The following TAS2R1 variants were observed in gnomAD, a reference collection of about 807,000 sequenced individuals.
TAS2R1 encodes the protein taste receptor type 2 member 1.
For missense variants in TAS2R1, 370 were observed against 353.4 expected (o/e 1.05, Z -0.38); for synonymous variants, 141 against 134.2 (o/e 1.05, Z -0.35).
At chr5:9,642,281 G>T (rs1487683653) in intron 2 of TAS2R1, among the ~76,000 whole-genome samples, 1 of 152,072 alleles carries the variant, frequency 6.6e-6, no homozygotes, top group Non-Finnish European at 1.5e-5. Flanking sequence ...TCCCAAGTGG[G>T]CCCTCACACT....
At chr5:9,853,788 A>G in the TAS2R1 span, among the ~76,000 whole-genome samples, 1 of 152,152 alleles carries the variant, frequency 6.6e-6, no homozygotes, top group Non-Finnish European at 1.5e-5. Flanking sequence ...AAGAGATATG[A>G]GGCAGAGTGA....
At chr5:9,719,873 G>A in the TAS2R1 span, among the ~76,000 whole-genome samples, 40 of 137,332 alleles carry the variant, frequency 2.9e-4, 1 homozygote, top group East Asian at 6.3e-3. Flanking sequence ...AGCCGAGATC[G>A]CACCACTGCA....
the TAS2R1 span, among the ~76,000 whole-genome samples, chr5:9,785,575 T>G: frequency 6.6e-6 from 1 of 152,224 alleles, no homozygotes; most frequent in Non-Finnish European, 1.5e-5. Flanking sequence ...CTGAAACATT[T>G]TTCAAAAATC....
At chr5:9,902,594 G>C in the TAS2R1 span, 2 of 151,918 alleles carry the variant, frequency 1.3e-5, no homozygotes, top group African/African-American at 2.4e-5. Context: ...GAGGTCACAG[G>C]GCAAACTTCT....
At chr5:9,885,843 A>T in the TAS2R1 span, among the ~76,000 whole-genome samples, 1 of 152,170 alleles carries the variant, frequency 6.6e-6, no homozygotes, top group Non-Finnish European at 1.5e-5. Context: ...ATATAAAAAA[A>T]CAAAACTCGC....
the TAS2R1 span, among the ~76,000 whole-genome samples, chr5:9,807,727 G>A: frequency 6.6e-6 from 1 of 152,024 alleles, no homozygotes; most frequent in African/African-American, 2.4e-5. Context: ...AGGAAGCAAA[G>A]GCATAAGAAT....
intron 1 of TAS2R1, among the ~76,000 whole-genome samples, chr5:9,696,070 A>C (rs1289995207): frequency 6.6e-6 from 1 of 152,226 alleles, no homozygotes; most frequent in Non-Finnish European, 1.5e-5. Flanking sequence ...CAGATTGTAT[A>C]ACAAAGCCAG....
rs114291858 is a variant in TAS2R1 at position 9,660,950 on chromosome 5, G to A, written c.-241-1369C>T. On this transcript the variant is annotated intron_variant, in intron 1 of 2. Coordinates refer to the TAS2R1 transcript ENST00000506620. The stretch of plus-strand genomic sequence containing the variant: ...AAATAGGGACCTCAGTCCTACACCC[G>A]TAGGAACTAAATTTTGCCAACACCT... Among the ~76,000 whole-genome samples the A allele has an allele frequency of 1.1e-3, 172 of 152,220 alleles. 1 individual carries two copies. The highest frequency in any genetic ancestry group is 4.0e-3 in the African/African-American group (166 of 41,546).
At chr5:9,681,531 CA>C (rs10681888) in intron 1 of TAS2R1, among the ~76,000 whole-genome samples, 63 of 87,888 alleles carry the variant, frequency 7.2e-4, no homozygotes, top group East Asian at 4.3e-3. Context: ...CATGTTTCTG[CA>C]AAAAAAAAAA....
chr5:9,812,416 C>T, the TAS2R1 span, among the ~76,000 whole-genome samples: 1 of 151,760 alleles, frequency 6.6e-6, no homozygotes, highest in Non-Finnish European at 1.5e-5. Flanking sequence ...CATAGAGGAC[C>T]AATGAATGGA....
chr5:9,874,828 C>T, the TAS2R1 span, among the ~76,000 whole-genome samples: 1 of 152,090 alleles, frequency 6.6e-6, no homozygotes, highest in Non-Finnish European at 1.5e-5. Context: ...TCTTTGTAGA[C>T]CACATGGTGA....
the TAS2R1 span, among the ~76,000 whole-genome samples, chr5:9,865,976 C>G: frequency 2.8e-3 from 431 of 152,296 alleles, 2 homozygotes; most frequent in African/African-American, 9.6e-3. Flanking sequence ...GATTATGTTT[C>G]TGTTCATTTT....
At chr5:9,747,972 T>C in the TAS2R1 span, among the ~76,000 whole-genome samples, 1 of 151,948 alleles carries the variant, frequency 6.6e-6, no homozygotes, top group Non-Finnish European at 1.5e-5. Flanking sequence ...TTATGGATAA[T>C]AATAAAAAAC....
At chr5:9,663,118 TATTA>T (rs1431695320) in intron 1 of TAS2R1, among the ~76,000 whole-genome samples, 1 of 151,794 alleles carries the variant, frequency 6.6e-6, no homozygotes, top group Non-Finnish European at 1.5e-5. Context: ...TATAAAGCAT[TATTA>T]TATATAAAAA....
intron 1 of TAS2R1, among the ~76,000 whole-genome samples, chr5:9,664,412 G>T (rs1052192268): frequency 9.2e-5 from 14 of 152,112 alleles, no homozygotes; most frequent in African/African-American, 3.4e-4. Flanking sequence ...CAAGGGACAG[G>T]GGAGAAAGAA....
chr5:9,859,012 G>C, the TAS2R1 span, among the ~76,000 whole-genome samples: 1 of 152,178 alleles, frequency 6.6e-6, no homozygotes, highest in Non-Finnish European at 1.5e-5. Flanking sequence ...AGGTAGATGG[G>C]TTTAATAGCT....
the TAS2R1 span, among the ~76,000 whole-genome samples, chr5:9,828,171 G>A: frequency 6.6e-6 from 1 of 151,646 alleles, no homozygotes; most frequent in Non-Finnish European, 1.5e-5. Flanking sequence ...TGTCACCTAG[G>A]CTGGAGTGCC....
chr5:9,884,358 CA>C, the TAS2R1 span, among the ~76,000 whole-genome samples: 2 of 151,550 alleles, frequency 1.3e-5, no homozygotes, highest in African/African-American at 4.9e-5. Flanking sequence ...CCTGTAATCC[CA>C]GCTACTCGGG....
the TAS2R1 span, among the ~76,000 whole-genome samples, chr5:9,885,535 T>C: frequency 6.6e-6 from 1 of 152,216 alleles, no homozygotes; most frequent in African/African-American, 2.4e-5. Flanking sequence ...TTCAGTTATG[T>C]GGTGTTGTTA....
Sources: allele counts gnomAD v4.1 joint callset (sites outside exome capture counted in the v4.1 genomes callset), GRCh38; gene constraint gnomAD v4.1.1; transcripts MANE v1.5; gene names NCBI Gene and HGNC (gene_info 2026-07-23, HGNC 2026-07-21).